Variants in SYN3 observed in about 807,000 individuals in gnomAD.
The protein encoded by SYN3 is synapsin III.
Under a neutral mutation model 65.8 loss-of-function variants are expected in SYN3, and 35 were observed. The observed-to-expected ratio is 0.53, with a 90% confidence interval of 0.41 to 0.70. The LOEUF (loss-of-function observed/expected upper bound fraction) is 0.70, where lower values mean the gene tolerates loss of function less well. Among genes scored for constraint, SYN3 ranks in the 30% least tolerant of loss-of-function variants. The pLI is 0.00. For synonymous variants in SYN3, 270 were observed against 292.9 expected (o/e 0.92, Z 0.80); for missense variants, 680 against 749.0 (o/e 0.91, Z 1.08).
At chr22:32,745,376 G>A (rs947148875) in intron 6 of SYN3, among the ~76,000 whole-genome samples, 4 of 152,336 alleles carry the variant, frequency 2.6e-5, no homozygotes, top group Admixed American at 1.3e-4. Flanking sequence ...GACTCCACCC[G>A]TCTTCAAACC....
rs117822824 is a variant in SYN3, at chr22:32,775,226, A to G, written c.711+89689T>C. Reference sequence around the variant, plus strand: ...GTGGACTAGGGAGCAAGTTCTCTAGAGTTTCTTCTTATAAGGACACTAATC... The same window carrying G: ...GTGGACTAGGGAGCAAGTTCTCTAGGGTTTCTTCTTATAAGGACACTAATC... On this transcript the variant is annotated intron_variant, in intron 6 of 13. Coordinates refer to ENST00000358763, the MANE Select transcript of SYN3 (RefSeq NM_003490.4). Among the ~76,000 whole-genome samples the G allele has an allele frequency of 3.0e-4, 45 of 151,998 alleles. No homozygotes were observed. In the East Asian group the frequency reaches 8.4e-3, roughly 28 times the overall value.
intron 1 of SYN3, among the ~76,000 whole-genome samples, chr22:33,052,046 T>A (rs1381106192): frequency 6.6e-6 from 1 of 152,024 alleles, no homozygotes; most frequent in Non-Finnish European, 1.5e-5. Flanking sequence ...AAGCCTCACA[T>A]CGTGCACTTT....
intron 3 of SYN3, among the ~76,000 whole-genome samples, chr22:32,979,485 T>C (rs1232542915): frequency 2.0e-5 from 3 of 152,334 alleles, no homozygotes; most frequent in African/African-American, 7.2e-5. Flanking sequence ...TTAGAAGACC[T>C]TTCTGTTTCT....
chr22:32,678,569 CCTCCTCCT>C (rs2060479272), intron 6 of SYN3, among the ~76,000 whole-genome samples: 2 of 151,578 alleles, frequency 1.3e-5, no homozygotes, highest in Admixed American at 6.6e-5. Context: ...CCTCCTCCTT[CCTCCTCCT>C]CTCCTCCTCC....
At chr22:32,774,148 C>T (rs778257402) in intron 6 of SYN3, among the ~76,000 whole-genome samples, 10 of 152,200 alleles carry the variant, frequency 6.6e-5, no homozygotes, top group Non-Finnish European at 1.0e-4. Flanking sequence ...ACAAGAAAAA[C>T]CATGAGGGTT....
intron 6 of SYN3, among the ~76,000 whole-genome samples, chr22:32,749,673 T>C (rs142542091): frequency 6.6e-6 from 1 of 152,064 alleles, no homozygotes; most frequent in African/African-American, 2.4e-5. Context: ...ATTCAACATA[T>C]ACATTTTGTA....
At chr22:33,049,697 G>A (rs1386190847) in intron 1 of SYN3, among the ~76,000 whole-genome samples, 2 of 152,274 alleles carry the variant, frequency 1.3e-5, no homozygotes, top group Non-Finnish European at 2.9e-5. Context: ...AAAACCACAC[G>A]GCATGTGGCA....
intron 6 of SYN3, among the ~76,000 whole-genome samples, chr22:32,606,257 G>T (rs1420950195): frequency 6.6e-6 from 1 of 152,168 alleles, no homozygotes; most frequent in Non-Finnish European, 1.5e-5. Flanking sequence ...AGCAGGGAGC[G>T]CGTTACGAAG....
chr22:32,531,808 A>C (rs55797644), intron 10 of SYN3, among the ~76,000 whole-genome samples: 3 of 5,308 alleles, frequency 5.7e-4, no homozygotes, highest in Non-Finnish European at 7.9e-4. Context: ...TCTGCGAGGA[A>C]AAAAAAAATC....
At chr22:32,638,849 T>C (rs759884581) in intron 6 of SYN3, among the ~76,000 whole-genome samples, 1 of 152,212 alleles carries the variant, frequency 6.6e-6, no homozygotes, top group African/African-American at 2.4e-5. Flanking sequence ...TTTGTTTTTG[T>C]TGCAATTGCT....
Position 33,015,242 on chromosome 22 carries a change from A to AAAAAAAAT in SYN3, c.-162-8419_-162-8418insATTTTTTT, listed in dbSNP as rs56343315. Reference sequence around the variant, plus strand: ...TCTCAAAAAAAAAAAAAAAAAAAAAACTACTGTATCTTGGACGAGACTATC... The same window carrying AAAAAAAAT: ...TCTCAAAAAAAAAAAAAAAAAAAAAAAAAAAAATCTACTGTATCTTGGACGAGACTATC... On this transcript the variant is annotated intron_variant, in intron 1 of 13. Transcript: ENST00000358763. 31 of 216,190 alleles carry AAAAAAAAT rather than the reference A, an allele frequency of 1.4e-4. 2 individuals carry two copies. The highest frequency in any genetic ancestry group is 4.5e-4 in the South Asian group (8 of 17,850). 13.4% of individuals were successfully genotyped at this position (216,190 alleles called of 1,614,324 possible). A position where few individuals can be genotyped will look rare whatever the true frequency, so the allele number is the denominator to read the frequency against.
At chr22:32,844,196 T>C (rs759390506) in intron 6 of SYN3, among the ~76,000 whole-genome samples, 9 of 152,138 alleles carry the variant, frequency 5.9e-5, no homozygotes, top group Middle Eastern at 3.4e-3. Context: ...TGGTTGACAA[T>C]GGTTGGATGG....
chr22:33,033,631 G>A (rs747850357), intron 1 of SYN3, among the ~76,000 whole-genome samples: 1 of 152,220 alleles, frequency 6.6e-6, no homozygotes, highest in South Asian at 2.1e-4. Context: ...ACTCACAAGG[G>A]GCCAATGTCT....
At chr22:32,624,719 C>T (rs2059642068) in intron 6 of SYN3, among the ~76,000 whole-genome samples, 1 of 152,212 alleles carries the variant, frequency 6.6e-6, no homozygotes, top group Admixed American at 6.5e-5. Context: ...AGGCAAGGTC[C>T]ACATCTAAAG....
chr22:32,971,202 C>A (rs1211744267), intron 3 of SYN3, among the ~76,000 whole-genome samples: 2 of 152,202 alleles, frequency 1.3e-5, no homozygotes, highest in South Asian at 4.1e-4. Flanking sequence ...AGCTGATAAA[C>A]CTACATTAAT....
rs139254229 is a variant in SYN3 at position 32,950,439 on chromosome 22, T to C, written c.370-18958A>G. On this transcript the variant is annotated intron_variant, in intron 3 of 13. Coordinates refer to ENST00000358763, the MANE Select transcript of SYN3 (RefSeq NM_003490.4). ...ACGTGTCTGTTGATCTGGGTGGTCA[T>C]TGTGTTAACTTCCTCTTTCCTGCTT... 2.6e-5 allele frequency among the ~76,000 whole-genome samples: 4 copies of C among 152,224 alleles called. No homozygotes were observed. The East Asian group carries it at 7.7e-4, about 29-fold the overall frequency.
intron 3 of SYN3, among the ~76,000 whole-genome samples, chr22:32,953,290 G>A (rs1218495551): frequency 6.6e-6 from 1 of 152,058 alleles, no homozygotes; most frequent in Non-Finnish European, 1.5e-5. Context: ...GCTCTGCCAG[G>A]GCTAGGGGCT....
At chr22:32,548,162 AG>A (rs758993721) in intron 7 of SYN3, among the ~76,000 whole-genome samples, 3 of 152,174 alleles carry the variant, frequency 2.0e-5, no homozygotes, top group African/African-American at 4.8e-5. Flanking sequence ...AGATCAGATA[AG>A]ACTGTCCCCT....
At chr22:32,762,109 TAAG>T (rs1310060194) in intron 6 of SYN3, among the ~76,000 whole-genome samples, 2 of 152,224 alleles carry the variant, frequency 1.3e-5, no homozygotes, top group African/African-American at 4.8e-5. Context: ...GTTTGAACCC[TAAG>T]TGCAAGAGAA....
Sources: allele counts gnomAD v4.1 joint callset (sites outside exome capture counted in the v4.1 genomes callset), GRCh38; gene constraint gnomAD v4.1.1; transcripts MANE v1.5; gene names NCBI Gene and HGNC (gene_info 2026-07-23, HGNC 2026-07-21).